PSMD14: variants seen among roughly 807,000 people sequenced by gnomAD.
PSMD14 encodes proteasome 26S subunit, non-ATPase 14, also known as ubiquitin C-terminal hydrolase PSMD14.
A neutral mutation model predicts 41.2 loss-of-function variants in PSMD14; 7 were observed. The ratio of observed to expected loss-of-function variants is 0.17; its 90% CI spans 0.10 to 0.32. PSMD14 has a LOEUF of 0.32. PSMD14 is among the 10% of genes least tolerant of loss of function. PSMD14 has a pLI of 1.00. For synonymous variants in PSMD14, 114 were observed against 122.3 expected (o/e 0.93, Z 0.45); for missense variants, 139 against 375.6 (o/e 0.37, Z 5.21).
chr2:161,326,002 A>T (rs969821730), intron 3 of PSMD14, among the ~76,000 whole-genome samples: 1 of 152,306 alleles, frequency 6.6e-6, no homozygotes. Context: ...ATTTGTACCA[A>T]ATGGATTGAA....
intron 3 of PSMD14, among the ~76,000 whole-genome samples, chr2:161,361,326 C>G (rs1276643549): frequency 6.6e-6 from 1 of 152,102 alleles, no homozygotes; most frequent in African/African-American, 2.4e-5. Context: ...TGTAATAGTT[C>G]ATCTAGTCTC....
At chr2:161,390,282 T>G (rs1045744724) in intron 8 of PSMD14, among the ~76,000 whole-genome samples, 2 of 152,080 alleles carry the variant, frequency 1.3e-5, no homozygotes, top group Admixed American at 6.6e-5. Context: ...GTCCTTTTTG[T>G]TTTTATACTT....
chr2:161,385,581 A>G lies in PSMD14; in HGVS notation c.570+10A>G. The G allele has an allele frequency of 2.6e-6, 4 of 1,514,614 alleles. No individual in the cohort carries two copies. Among genetic ancestry groups the G allele is most frequent in the African/African-American group, 1.4e-5 (1 of 72,734 alleles). The allele number at this position is 1,514,614 out of a possible 1,614,324, so 93.8% of individuals were successfully genotyped here. ...CAAGCCATCTATCCAGGTATTGCCT[A>G]TATTTGATAATGTGTTAAAACTCTT... On this transcript the variant is annotated intron_variant, in intron 8 of 11. Transcript: ENST00000409682.
intron 3 of PSMD14, among the ~76,000 whole-genome samples, chr2:161,365,093 G>A (rs986788810): frequency 3.3e-5 from 5 of 152,114 alleles, no homozygotes; most frequent in Admixed American, 1.3e-4. Flanking sequence ...GTGACAGAGC[G>A]AGACTCCGTC....
At chr2:161,340,809 C>G in intron 3 of PSMD14, 1 of 1,613,818 alleles carries the variant, frequency 6.2e-7, no homozygotes, top group Non-Finnish European at 8.5e-7. Flanking sequence ...CTAAGGATAA[C>G]TTCGTTATTC....
intron 3 of PSMD14, among the ~76,000 whole-genome samples, chr2:161,322,950 C>G (rs575116127): frequency 2.6e-5 from 4 of 152,220 alleles, no homozygotes; most frequent in African/African-American, 9.6e-5. Flanking sequence ...TCTTGGATCT[C>G]GTTCTCTTGA....
chr2:161,393,715 A>C (rs973996087), intron 9 of PSMD14, among the ~76,000 whole-genome samples: 35 of 151,970 alleles, frequency 2.3e-4, no homozygotes, highest in Admixed American at 2.2e-3. Context: ...TTTTTCTTTT[A>C]CTTTTCACAA....
At chr2:161,355,070 A>G (rs1214423667) in intron 3 of PSMD14, among the ~76,000 whole-genome samples, 25 of 152,212 alleles carry the variant, frequency 1.6e-4, no homozygotes, top group Admixed American at 1.6e-3. Flanking sequence ...AGGGATATAG[A>G]GTATGGTATA....
chr2:161,350,792 A>T (rs1683107333), intron 3 of PSMD14, among the ~76,000 whole-genome samples: 1 of 152,246 alleles, frequency 6.6e-6, no homozygotes, highest in African/African-American at 2.4e-5. Flanking sequence ...ATATGGTCTG[A>T]AGGTATTCCA....
At chr2:161,393,121 AC>A (rs1683736570) in intron 9 of PSMD14, among the ~76,000 whole-genome samples, 2 of 152,032 alleles carry the variant, frequency 1.3e-5, no homozygotes, top group Non-Finnish European at 2.9e-5. Flanking sequence ...TGTTTACTTA[AC>A]CCCCAGCCTT....
chr2:161,313,317 A>C (rs1689110419), intron 1 of PSMD14, among the ~76,000 whole-genome samples: 1 of 152,208 alleles, frequency 6.6e-6, no homozygotes, highest in Admixed American at 6.5e-5. Flanking sequence ...AAGCTTAAAC[A>C]TAGCAAATAC....
At chr2:161,328,705 A>G (rs1307575699) in intron 3 of PSMD14, among the ~76,000 whole-genome samples, 1 of 152,142 alleles carries the variant, frequency 6.6e-6, no homozygotes. Context: ...CTGAATTTCT[A>G]ATTTTATTTA....
At chr2:161,338,682 A>G (rs1388322523) in intron 3 of PSMD14, among the ~76,000 whole-genome samples, 1 of 152,158 alleles carries the variant, frequency 6.6e-6, no homozygotes, top group Non-Finnish European at 1.5e-5. Context: ...ACAGTAAACG[A>G]TAATATTTAA....
chr2:161,314,076 A>G (rs1290616656), intron 1 of PSMD14, among the ~76,000 whole-genome samples: 1 of 152,244 alleles, frequency 6.6e-6, no homozygotes, highest in South Asian at 2.1e-4. Flanking sequence ...TCTTTCCTTC[A>G]TAATTGCAAA....
chr2:161,407,332 C>A (rs867209620), intron 10 of PSMD14, among the ~76,000 whole-genome samples: 1 of 152,164 alleles, frequency 6.6e-6, no homozygotes, highest in Non-Finnish European at 1.5e-5. Context: ...TGAAAATGAG[C>A]ATATTCTCTG....
chr2:161,358,741 G>A (rs1215099989), intron 3 of PSMD14, among the ~76,000 whole-genome samples: 1 of 152,110 alleles, frequency 6.6e-6, no homozygotes, highest in Non-Finnish European at 1.5e-5. Context: ...TCAGGAGTTT[G>A]AGACCAGTCT....
At chr2:161,339,716 G>C (rs1460533351) in intron 3 of PSMD14, among the ~76,000 whole-genome samples, 1 of 152,244 alleles carries the variant, frequency 6.6e-6, no homozygotes, top group Non-Finnish European at 1.5e-5. Context: ...GACTATTGCT[G>C]TTTGGGGACA....
At chr2:161,313,061 C>T (rs183316743) in intron 1 of PSMD14, among the ~76,000 whole-genome samples, 11 of 152,112 alleles carry the variant, frequency 7.2e-5, no homozygotes, top group Admixed American at 2.6e-4. Flanking sequence ...TTAATCTAAA[C>T]GGCTCTGTGA....
At chr2:161,322,783 G>A (rs925947888) in intron 3 of PSMD14, among the ~76,000 whole-genome samples, 8 of 152,132 alleles carry the variant, frequency 5.3e-5, no homozygotes, top group Admixed American at 3.9e-4. Context: ...TTGTTTTTGA[G>A]GCCACTTGGT....
Sources: gnomAD v4.1 joint callset for allele counts (sites outside exome capture counted in the v4.1 genomes callset) on GRCh38, gnomAD v4.1.1 for gene constraint, MANE v1.5 for transcripts, NCBI Gene and HGNC (gene_info 2026-07-23, HGNC 2026-07-21) for gene names.